The following SLC18A2 variants were observed in gnomAD, a reference collection of about 807,000 sequenced individuals.
The protein encoded by SLC18A2 is solute carrier family 18 member A2, also known as synaptic vesicular amine transporter.
A neutral mutation model predicts 59.2 loss-of-function variants in SLC18A2; 33 were observed. The ratio of observed to expected loss-of-function variants is 0.56; its 90% CI spans 0.42 to 0.75. SLC18A2 has a LOEUF of 0.75. Among genes scored for constraint, SLC18A2 ranks in the 30% least tolerant of loss-of-function variants. SLC18A2 has a pLI of 0.00. For synonymous variants in SLC18A2, 228 were observed against 253.5 expected, an observed-to-expected ratio of 0.90 and a Z score of 0.95; for missense variants, 569 against 668.6, an observed-to-expected ratio of 0.85 and a Z score of 1.64.
intron 3 of SLC18A2, among the ~76,000 whole-genome samples, chr10:117,248,575 A>G (rs1844132944): frequency 6.6e-6 from 1 of 152,162 alleles, no homozygotes; most frequent in African/African-American, 2.4e-5. Context: ...TATTCATTTC[A>G]TGATTGCAGT....
intron 13 of SLC18A2, 61 bp downstream of exon 13, chr10:117,267,797 C>A: frequency 7.5e-7 from 1 of 1,326,380 alleles, no homozygotes; most frequent in Non-Finnish European, 1.1e-6. Flanking sequence ...AAGGGTTCTT[C>A]TTCCTCTGGT....
chr10:117,263,344 C>T (rs746761379), intron 10 of SLC18A2, among the ~76,000 whole-genome samples: 9 of 152,170 alleles, frequency 5.9e-5, no homozygotes, highest in Non-Finnish European at 1.2e-4. Flanking sequence ...TCTCTGAGCT[C>T]GCTCCAGTCC....
At chr10:117,263,216 T>G (rs1184055297) in intron 10 of SLC18A2, among the ~76,000 whole-genome samples, 1 of 152,196 alleles carries the variant, frequency 6.6e-6, no homozygotes, top group African/African-American at 2.4e-5. Flanking sequence ...CTCTGTAGCT[T>G]TCAGCCCATG....
intron 1 of SLC18A2, among the ~76,000 whole-genome samples, chr10:117,241,450 G>C (rs984072955): frequency 6.6e-6 from 1 of 152,072 alleles, no homozygotes; most frequent in African/African-American, 2.4e-5. Context: ...GGGGGTTCTA[G>C]GTTGGGTCTC....
chr10:117,255,419 G>T (rs1457315462), intron 7 of SLC18A2, 53 bp downstream of exon 7: 2 of 1,613,834 alleles, frequency 1.2e-6, no homozygotes, highest in African/African-American at 1.3e-5. Flanking sequence ...GTGCTGGCAC[G>T]CGCTTGGGCC....
Position 117,241,742 on chromosome 10 carries a change from C to G in SLC18A2, c.49C>G (p.Arg17Gly), listed in dbSNP as rs148348449. 13 of 1,609,854 alleles carry G rather than the reference C, an allele frequency of 8.1e-6. No individual in the cohort carries two copies. Among genetic ancestry groups the G allele is most frequent in the Middle Eastern group, 1.7e-4 (1 of 5,740 alleles). The change falls in exon 2 of 16, where the codon CGC (arginine) becomes GGC (glycine). Residue 17 changes from arginine to glycine, a missense_variant. By Grantham distance (125) the Arg-to-Gly change is moderately radical. Transcript: ENST00000644641. ...ALVRWLQESR[R>G]SRKLILFIVF... The stretch of plus-strand genomic sequence containing the variant: ...GGTCCGCTGGCTGCAGGAGAGCCGC[C>G]GCTCGCGGAAGCTCATCCTGTTCAT...
At chr10:117,254,248 A>T (rs1397169905) in intron 5 of SLC18A2, 117 bp downstream of exon 5, 1 of 1,195,546 alleles carries the variant, frequency 8.4e-7, no homozygotes, top group African/African-American at 1.5e-5. Context: ...TGGAGAAGGC[A>T]CCCACTTTCC....
chr10:117,267,686 A>G lies in SLC18A2; in HGVS notation c.1136A>G (p.Lys379Arg), dbSNP rs779688013. 2 of 1,564,122 alleles carry G rather than the reference A, an allele frequency of 1.3e-6. No homozygotes were observed. The highest frequency in any genetic ancestry group is 1.8e-6 in the Non-Finnish European group (2 of 1,141,430). The change falls in exon 13 of 16, where the codon AAA becomes AGA. Residue 379 changes from lysine to arginine, a missense_variant. Physicochemically the swap from Lys to Arg is conservative, Grantham distance 26. Around this residue, in one of 2 missense-constraint regions of SLC18A2, gnomAD observed 192 missense variants for 278.8 expected, o/e 0.69. Transcript: ENST00000644641. ...GVSILCIPFA[K>R]NIYGLIAPNF... Reference sequence around the variant, plus strand: ...TTCCTCTTACAGATTCCATTTGCAAAAAACATTTATGGACTCATAGCTCCG... The same window carrying G: ...TTCCTCTTACAGATTCCATTTGCAAGAAACATTTATGGACTCATAGCTCCG...
chr10:117,252,624 A>T (rs929281413), intron 3 of SLC18A2, among the ~76,000 whole-genome samples: 9 of 152,136 alleles, frequency 5.9e-5, no homozygotes, highest in Non-Finnish European at 1.2e-4. Context: ...ATGAGGGAGG[A>T]GATGACATTT....
chr10:117,244,148 A>G lies in SLC18A2; in HGVS notation c.299A>G (p.Gln100Arg). The change falls in exon 3 of 16, where the codon CAG (glutamine) becomes CGG (arginine). Residue 100 changes from glutamine to arginine, a missense_variant. By Grantham distance (43) the Gln-to-Arg change is conservative (BLOSUM62 1). Transcript: ENST00000644641. ...GNATRDLTLH[Q>R]TATQHMVTNA... ...GCTACCAGAGACCTGACACTTCATCAGACCGCCACACAGCACATGGTGACC... is the reference window on the plus strand; with the variant it reads ...GCTACCAGAGACCTGACACTTCATCGGACCGCCACACAGCACATGGTGACC... 1 of 1,614,226 alleles carries G rather than the reference A, an allele frequency of 6.2e-7. No individual in the cohort carries two copies. Among genetic ancestry groups the G allele is most frequent in the Non-Finnish European group, 8.5e-7 (1 of 1,180,050 alleles).
Position 117,270,112 on chromosome 10 carries a change from G to A in SLC18A2, c.1228G>A (p.Val410Ile). 3 of 1,614,212 alleles carry A rather than the reference G, an allele frequency of 1.9e-6. No homozygotes were observed. The highest frequency in any genetic ancestry group is 2.2e-5 in the South Asian group (2 of 91,092). The change falls in exon 14 of 16, where the codon GTA (valine) becomes ATA (isoleucine). Residue 410 changes from valine to isoleucine, a missense_variant. Val to Ile is a conservative substitution (Grantham distance 29). Transcript: ENST00000644641. Reference sequence around the variant, plus strand: ...AATGATGCCTATCATGGGCTACCTCGTAGACCTGCGGCACGTGTCCGTCTA... The same window carrying A: ...AATGATGCCTATCATGGGCTACCTCATAGACCTGCGGCACGTGTCCGTCTA... ...SSMMPIMGYL[V>I]DLRHVSVYGS...
chr10:117,270,595 T>C (rs990867834), intron 15 of SLC18A2, 132 bp downstream of exon 15: 66 of 948,844 alleles, frequency 7.0e-5, no homozygotes, highest in Non-Finnish European at 9.4e-5. Context: ...TTGTACCACA[T>C]AGAGCAGTTA....
At chr10:117,272,113 C>A (rs762682887) in intron 15 of SLC18A2, among the ~76,000 whole-genome samples, 2 of 152,120 alleles carry the variant, frequency 1.3e-5, no homozygotes, top group Admixed American at 1.3e-4. Flanking sequence ...GAAATGATAA[C>A]GTCTACCTCA....
At chr10:117,250,238 T>A (rs1021139878) in intron 3 of SLC18A2, among the ~76,000 whole-genome samples, 1 of 152,168 alleles carries the variant, frequency 6.6e-6, no homozygotes, top group Non-Finnish European at 1.5e-5. Context: ...GAGCAGCCCA[T>A]GCAGTGGCTT....
intron 4 of SLC18A2, 83 bp from the exon 5 acceptor site, chr10:117,253,965 G>C (rs981623365): frequency 2.4e-6 from 3 of 1,254,062 alleles, no homozygotes; most frequent in African/African-American, 1.5e-5. Context: ...ACTGGGTTAA[G>C]GGGGGCTTCT....
intron 10 of SLC18A2, among the ~76,000 whole-genome samples, chr10:117,264,577 C>T (rs746922752): frequency 2.0e-5 from 3 of 152,224 alleles, no homozygotes; most frequent in Non-Finnish European, 4.4e-5. Context: ...CGTCTGCCTT[C>T]TAGATGGAGT....
chr10:117,274,327 G>A (rs1033172849), intron 15 of SLC18A2, among the ~76,000 whole-genome samples: 1 of 152,196 alleles, frequency 6.6e-6, no homozygotes, highest in Non-Finnish European at 1.5e-5. Flanking sequence ...GGTCAGTTAA[G>A]TATGCATGAT....
chr10:117,244,294 A>C lies in SLC18A2; in HGVS notation c.445A>C (p.Ile149Leu). 1.2e-6 allele frequency: 2 copies of C among 1,614,004 alleles called. No homozygotes were observed. The highest frequency in any genetic ancestry group is 1.7e-6 in the Non-Finnish European group (2 of 1,179,914). Residue 149 changes from isoleucine to leucine, a missense_variant, in exon 3 of 16, where the codon ATA becomes CTA. Transcript: ENST00000644641. Reference protein sequence around the residue: ...ATVQLITNPFIGLLTNRIGYP... With the variant: ...ATVQLITNPFLGLLTNRIGYP... ...CGTCCAGCTCATCACCAACCCTTTC[A>C]TAGGACTACTGACCAACAGGTAGGG...
chr10:117,265,677 C>T (rs914802234), intron 10 of SLC18A2, among the ~76,000 whole-genome samples: 2 of 152,056 alleles, frequency 1.3e-5, no homozygotes, highest in Non-Finnish European at 1.5e-5. Context: ...AATGGTTAGG[C>T]CTTTCTGTTC....
Sources: allele counts gnomAD v4.1 joint callset (sites outside exome capture counted in the v4.1 genomes callset), GRCh38; gene constraint gnomAD v4.1.1; regional missense constraint gnomAD v4.1.1; transcripts MANE v1.5; gene names NCBI Gene and HGNC (gene_info 2026-07-23, HGNC 2026-07-21).